The following MYO16 variants were observed in gnomAD, a reference collection of about 807,000 sequenced individuals.
MYO16 encodes the protein myosin XVI, also known as unconventional myosin-XVI.
A neutral mutation model predicts 205.3 loss-of-function variants in MYO16; 94 were observed. The ratio of observed to expected loss-of-function variants is 0.46; its 90% CI spans 0.39 to 0.54. MYO16 has a LOEUF of 0.54. Among genes scored for constraint, MYO16 ranks in the 20% least tolerant of loss-of-function variants. The pLI is 0.00. For missense variants in MYO16, 2,315 were observed against 2,387.5 expected (o/e 0.97, Z 0.63); for synonymous variants, 988 against 954.0 (o/e 1.04, Z -0.66).
At position 109,023,670 on chromosome 13, in the gene MYO16, A is replaced by AATATATGTATATATGCAAATATATGT. The variant is rs1447498346; in HGVS notation, c.2796+3773_2796+3774insGCAAATATATGTATATATGTATATAT. ...ATATATGTATATATGTATATATGCA[A>AATATATGTATATATGCAAATATATGT]ATATATGTATATATACATATATATG... On this transcript the variant is annotated intron_variant, in intron 23 of 34. Coordinates refer to ENST00000457511, the MANE Select transcript of MYO16 (RefSeq NM_001198950.3). Among the ~76,000 whole-genome samples the AATATATGTATATATGCAAATATATGT allele has an allele frequency of 7.7e-5, 5 of 64,874 alleles. No homozygotes were observed. In the East Asian group the frequency reaches 2.1e-3, roughly 27 times the overall value. 42.6% of individuals were successfully genotyped at this position (64,874 alleles called of 152,430 possible). A position where few individuals can be genotyped will look rare whatever the true frequency, so the allele number is the denominator to read the frequency against.
chr13:108,684,581 C>T (rs1200891462), intron 2 of MYO16, among the ~76,000 whole-genome samples: 5 of 152,100 alleles, frequency 3.3e-5, no homozygotes, highest in African/African-American at 1.2e-4. Context: ...CTTGGAATTT[C>T]CTGGGTGATA....
the MYO16 span, among the ~76,000 whole-genome samples, chr13:108,574,675 G>GTGTGTGTT: frequency 8.4e-6 from 1 of 119,702 alleles, no homozygotes; most frequent in Non-Finnish European, 1.8e-5. Context: ...CAATTTGTGT[G>GTGTGTGTT]TGTGTGTGTG....
chr13:108,624,103 A>G (rs540114432), intron 1 of MYO16, among the ~76,000 whole-genome samples: 3 of 152,298 alleles, frequency 2.0e-5, no homozygotes, highest in Non-Finnish European at 4.4e-5. Flanking sequence ...TATCAATGGG[A>G]AAAGTATGAA....
chr13:109,021,956 G>C (rs1374948650), intron 23 of MYO16, among the ~76,000 whole-genome samples: 1 of 151,692 alleles, frequency 6.6e-6, no homozygotes, highest in African/African-American at 2.4e-5. Context: ...TGATATGGTA[G>C]TTAGGCTAAA....
intron 2 of MYO16, among the ~76,000 whole-genome samples, chr13:108,676,406 T>TGTGC (rs1014807300): frequency 6.7e-6 from 1 of 148,756 alleles, no homozygotes; most frequent in African/African-American, 2.5e-5. Flanking sequence ...TGTGTGTGTG[T>TGTGC]GCCAGCCATC....
In MYO16 at chr13:109,024,783, C is replaced by T. The variant is rs12430814; in HGVS notation, c.2796+4872C>T. Among the ~76,000 whole-genome samples the T allele has an allele frequency of 9.8e-3, 1,494 of 152,096 alleles. 15 individuals carry two copies. The highest frequency in any genetic ancestry group is 0.025 in the South Asian group (120 of 4,818). ...ACTAATGAGTCTTAGCCAAAAGACT[C>T]CCTGAGGACTCATTCACATGTTCAG... On this transcript the variant is annotated intron_variant, in intron 23 of 34. Transcript: ENST00000457511.
At chr13:109,073,108 C>CT (rs67656911) in intron 27 of MYO16, among the ~76,000 whole-genome samples, 12,640 of 148,136 alleles carry the variant, frequency 0.085, 596 homozygotes, top group African/African-American at 0.11. Context: ...TATGGAATAT[C>CT]TTTTTTTTTT....
Position 109,162,927 on chromosome 13 carries a change from T to C in MYO16, c.5165-1974T>C, listed in dbSNP as rs940076031. On this transcript the variant is annotated intron_variant, in intron 32 of 34. Coordinates refer to ENST00000457511, the MANE Select transcript of MYO16 (RefSeq NM_001198950.3). The surrounding 1 kb of genome is among the most constrained non-coding windows in gnomAD (Gnocchi z 4.6). ...TTTCAGCCCATTCAATAATTGCTCA[T>C]TGTCAAGAGCTAAAACAGTTAAGAT... Among the ~76,000 whole-genome samples, 9 of 152,212 alleles carry C rather than the reference T, an allele frequency of 5.9e-5. No homozygotes were observed. The highest frequency in any genetic ancestry group is 1.7e-4 in the African/African-American group (7 of 41,468).
intron 4 of MYO16, among the ~76,000 whole-genome samples, chr13:108,760,143 G>T (rs1434639701): frequency 6.6e-6 from 1 of 152,068 alleles, no homozygotes; most frequent in African/African-American, 2.4e-5. Flanking sequence ...CCACACTATC[G>T]AATACTAGAA....
At chr13:108,839,785 C>A (rs763035021) in intron 9 of MYO16, among the ~76,000 whole-genome samples, 10 of 152,166 alleles carry the variant, frequency 6.6e-5, no homozygotes, top group Non-Finnish European at 1.3e-4. Context: ...AAACATAAAG[C>A]TCTGTGTCTT....
upstream of MYO16, among the ~76,000 whole-genome samples, chr13:108,626,122 T>G (rs1879725427): frequency 6.6e-6 from 1 of 152,134 alleles, no homozygotes; most frequent in Non-Finnish European, 1.5e-5. Context: ...TTTAGCCTTA[T>G]TTGAAAAAAT....
chr13:109,106,195 T>C (rs1889119064), intron 28 of MYO16, among the ~76,000 whole-genome samples: 1 of 152,262 alleles, frequency 6.6e-6, no homozygotes, highest in Non-Finnish European at 1.5e-5. Flanking sequence ...TACCTCACTA[T>C]GGAAAAATAT....
intron 12 of MYO16, among the ~76,000 whole-genome samples, chr13:108,870,541 T>G (rs1460215297): frequency 6.6e-6 from 1 of 152,100 alleles, no homozygotes; most frequent in African/African-American, 2.4e-5. Flanking sequence ...AAGGTTTTAG[T>G]TCTGGATTTA....
intron 4 of MYO16, among the ~76,000 whole-genome samples, chr13:108,756,421 C>T (rs1273855087): frequency 6.6e-6 from 1 of 152,032 alleles, no homozygotes; most frequent in Non-Finnish European, 1.5e-5. Context: ...CACATCTGTA[C>T]CATCTATGCC....
At chr13:108,782,671 G>A (rs1437728231) in intron 4 of MYO16, among the ~76,000 whole-genome samples, 1 of 152,162 alleles carries the variant, frequency 6.6e-6, no homozygotes, top group African/African-American at 2.4e-5. Context: ...GGAGGAAAAA[G>A]TGGTTTCATG....
At chr13:109,077,134 C>T (rs1594063645) in intron 27 of MYO16, among the ~76,000 whole-genome samples, 1 of 152,064 alleles carries the variant, frequency 6.6e-6, no homozygotes, top group Non-Finnish European at 1.5e-5. Context: ...ATTCTCCTGC[C>T]TCAGCCTCCC....
At chr13:109,016,317 G>A (rs148909461) in intron 22 of MYO16, among the ~76,000 whole-genome samples, 71 of 152,268 alleles carry the variant, frequency 4.7e-4, no homozygotes, top group Non-Finnish European at 8.5e-4. Context: ...ATTGTACTGT[G>A]GTCTGAGAGA....
At chr13:108,692,062 GTCTGACTCAT>G (rs1231351817) in intron 2 of MYO16, among the ~76,000 whole-genome samples, 1 of 152,120 alleles carries the variant, frequency 6.6e-6, no homozygotes, top group Admixed American at 6.5e-5. Context: ...TCTTCCTAAA[GTCTGACTCAT>G]TCCCTCTAAA....
At chr13:109,177,519 T>A (rs1322005143) in intron 33 of MYO16, among the ~76,000 whole-genome samples, 1 of 151,970 alleles carries the variant, frequency 6.6e-6, no homozygotes, top group Non-Finnish European at 1.5e-5. Flanking sequence ...ATTTATTTAT[T>A]ATTTATTTAT....
Sources: gnomAD v4.1 joint callset for allele counts (sites outside exome capture counted in the v4.1 genomes callset) on GRCh38, gnomAD v4.1.1 for gene constraint, Gnocchi (gnomAD v3.1) non-coding constraint, MANE v1.5 for transcripts, NCBI Gene and HGNC (gene_info 2026-07-23, HGNC 2026-07-21) for gene names.